ITGB8: variants seen among roughly 807,000 people sequenced by gnomAD.
The protein encoded by ITGB8 is integrin beta-8.
A neutral mutation model predicts 89.5 loss-of-function variants in ITGB8; 30 were observed. The observed-to-expected ratio is 0.34, with a 90% CI of 0.25 to 0.45. ITGB8 has a LOEUF of 0.45. Among genes scored for constraint, ITGB8 ranks in the 20% least tolerant of loss-of-function variants. The pLI, the probability that ITGB8 is intolerant of heterozygous loss-of-function variation, is 1.00. For missense variants in ITGB8, 836 were observed against 933.3 expected (o/e 0.90, Z 1.36); for synonymous variants, 335 against 320.4 (o/e 1.05, Z -0.49).
At chr7:20,405,991 T>C (rs1787525131) in intron 11 of ITGB8, 71 bp from the exon 12 acceptor site, 2 of 908,930 alleles carry the variant, frequency 2.2e-6, no homozygotes, top group South Asian at 1.4e-5. Context: ...TCTTTTTTTT[T>C]CTTGCAGAAA....
At chr7:20,408,917 T>A (rs952224383) in intron 12 of ITGB8, among the ~76,000 whole-genome samples, 2 of 152,172 alleles carry the variant, frequency 1.3e-5, no homozygotes, top group African/African-American at 4.8e-5. Context: ...AGTGCATGTT[T>A]AGAGGCAAAT....
Position 20,402,293 on chromosome 7 carries a change from C to A in ITGB8, c.1687+167C>A, listed in dbSNP as rs941843678. Among the ~76,000 whole-genome samples, 7 of 152,102 alleles carry A rather than the reference C, an allele frequency of 4.6e-5. No homozygotes were observed. Among genetic ancestry groups the A allele is most frequent in the African/African-American group, 1.4e-4 (6 of 41,428 alleles). On this transcript the variant is annotated intron_variant, in intron 10 of 13. Coordinates refer to ENST00000222573, the MANE Select transcript of ITGB8 (RefSeq NM_002214.3). ...AGGGCATGGCAACAGATTTATAGTA[C>A]GTGATTTTGATATTTATATCTTAAC...
At chr7:20,366,523 G>A (rs1785702888) in intron 2 of ITGB8, 1 of 153,422 alleles carries the variant, frequency 6.5e-6, no homozygotes, top group African/African-American at 2.4e-5. Flanking sequence ...CTAGCACTTT[G>A]GGAGGCCGAG....
chr7:20,393,085 T>C (rs1443984445), intron 7 of ITGB8, among the ~76,000 whole-genome samples: 1 of 152,240 alleles, frequency 6.6e-6, no homozygotes, highest in African/African-American at 2.4e-5. Flanking sequence ...AGGCTAAATA[T>C]TTGCCCAAGG....
At position 20,339,108 on chromosome 7, in the gene ITGB8, T is replaced by C. The variant is rs150130889; in HGVS notation, c.127+7175T>C. ...TCAGGAGGCTGGGGCAAGAGAATCA[T>C]TTGAACCCATGAGATGGAGGTTGCA... On this transcript the variant is annotated intron_variant, in intron 1 of 13. Transcript: ENST00000222573. Among the ~76,000 whole-genome samples, 37 of 150,984 alleles carry C rather than the reference T, an allele frequency of 2.5e-4. 2 individuals carry two copies. The highest frequency in any genetic ancestry group is 3.4e-3 in the Middle Eastern group (1 of 294).
upstream of ITGB8, among the ~76,000 whole-genome samples, chr7:20,330,396 G>C (rs1784333717): frequency 6.6e-6 from 1 of 152,198 alleles, no homozygotes; most frequent in Non-Finnish European, 1.5e-5. Context: ...AAAGCGGCGA[G>C]CAGCGCGGGG....
chr7:20,407,622 A>G lies in ITGB8; in HGVS notation c.2023+1451A>G, dbSNP rs1282194199. Among the ~76,000 whole-genome samples the G allele has an allele frequency of 3.9e-5, 6 of 152,256 alleles. No homozygotes were observed. In the South Asian group the frequency reaches 8.3e-4, roughly 21 times the overall value. ...CCACACTGATCTTACCCCATAATGA[A>G]CTTGGCTCTGAAAAAAGCCCCATGT... On this transcript the variant is annotated intron_variant, in intron 12 of 13. Transcript: ENST00000222573.
intron 1 of ITGB8, among the ~76,000 whole-genome samples, chr7:20,349,579 A>C (rs17150347): frequency 0.17 from 26,074 of 152,090 alleles, 2,427 homozygotes; most frequent in South Asian, 0.3. Flanking sequence ...CCATACAAAA[A>C]AGTATTAAAA....
chr7:20,352,928 G>T (rs1475357744), intron 1 of ITGB8: 1 of 152,176 alleles, frequency 6.6e-6, no homozygotes, highest in African/African-American at 2.4e-5. Context: ...TCAATGCAAA[G>T]TTGATTATGA....
chr7:20,367,305 G>T (rs989447877), intron 3 of ITGB8, 119 bp downstream of exon 3: 1 of 762,036 alleles, frequency 1.3e-6, no homozygotes, highest in Admixed American at 2.5e-5. Flanking sequence ...AACCACAGTG[G>T]ACTCAGAATC....
chr7:20,355,007 T>C (rs1785241894), intron 1 of ITGB8, among the ~76,000 whole-genome samples: 2 of 152,238 alleles, frequency 1.3e-5, no homozygotes, highest in South Asian at 4.1e-4. Context: ...GCCCCACCCA[T>C]GCTCTTTTTA....
At chr7:20,384,485 A>G (rs1786525121) in intron 6 of ITGB8, among the ~76,000 whole-genome samples, 1 of 152,296 alleles carries the variant, frequency 6.6e-6, no homozygotes, top group East Asian at 1.9e-4. Context: ...TGTAGCAATC[A>G]CTCTGCATAC....
Position 20,411,726 on chromosome 7 carries a change from A to G in ITGB8, c.*1729A>G, listed in dbSNP as rs1450873704. On this transcript the variant is annotated 3_prime_UTR_variant, in exon 14 of 14. Transcript: ENST00000222573. ...AGGAATAATTCAAACTGAATTGTCC[A>G]TAATCAGCTTCCAGTCTTTCATGCT... 6.6e-6 allele frequency: 1 copy of G among 152,586 alleles called. No homozygotes were observed. Among genetic ancestry groups the G allele is most frequent in the Non-Finnish European group, 1.5e-5 (1 of 68,058 alleles). 9.5% of individuals were successfully genotyped at this position (152,586 alleles called of 1,614,324 possible).
intron 1 of ITGB8, among the ~76,000 whole-genome samples, chr7:20,338,786 A>C (rs1016822041): frequency 5.3e-5 from 8 of 152,330 alleles, no homozygotes; most frequent in Non-Finnish European, 1.2e-4. Context: ...GTAATCTTTG[A>C]GATGTGTACA....
At position 20,331,608 on chromosome 7, in the gene ITGB8, G is replaced by A. The variant is rs556574574; in HGVS notation, c.-199G>A. The A allele has an allele frequency of 6.2e-3, 3,277 of 527,126 alleles. 28 individuals are homozygous for A. Among genetic ancestry groups the A allele is most frequent in the Middle Eastern group, 7.6e-3 (15 of 1,968 alleles). The allele number at this position is 527,126 out of a possible 1,614,324, so 32.7% of individuals were successfully genotyped here. ...CCCGCCGTGCCGAGCCGGGAGGGCC[G>A]CAGGGGCCCTGAGATGCCGAGCGGT... is the stretch of plus-strand genomic sequence containing the variant. On this transcript the variant is annotated 5_prime_UTR_variant, in exon 1 of 14. Coordinates refer to ENST00000222573, the MANE Select transcript of ITGB8 (RefSeq NM_002214.3).
chr7:20,376,651 A>C (rs1357144583), intron 3 of ITGB8, among the ~76,000 whole-genome samples: 3 of 151,794 alleles, frequency 2.0e-5, no homozygotes, highest in Non-Finnish European at 4.4e-5. Flanking sequence ...TCCAAGCTTG[A>C]CCCCTTTGGT....
chr7:20,365,933 G>T (rs1785678620), intron 2 of ITGB8: 1 of 151,050 alleles, frequency 6.6e-6, no homozygotes, highest in Non-Finnish European at 1.5e-5. Flanking sequence ...TAGATAAATG[G>T]TAACAACGTA....
intron 1 of ITGB8, among the ~76,000 whole-genome samples, chr7:20,355,956 G>T (rs1043479003): frequency 6.6e-6 from 1 of 152,084 alleles, no homozygotes; most frequent in Non-Finnish European, 1.5e-5. Flanking sequence ...CTGCTTCTTT[G>T]TCTATTTCAA....
intron 7 of ITGB8, among the ~76,000 whole-genome samples, chr7:20,394,650 G>A (rs571113940): frequency 3.3e-5 from 5 of 152,272 alleles, no homozygotes; most frequent in Admixed American, 1.3e-4. Context: ...GGATTTTTAG[G>A]TCATCAGGTA....
Sources: gnomAD v4.1 joint callset for allele counts (sites outside exome capture counted in the v4.1 genomes callset) on GRCh38, gnomAD v4.1.1 for gene constraint, MANE v1.5 for transcripts, NCBI Gene and HGNC (gene_info 2026-07-23, HGNC 2026-07-21) for gene names.